Variants in CXCL17 observed in about 807,000 individuals in gnomAD.
CXCL17 encodes the protein C-X-C motif chemokine 17.
In CXCL17, 9 loss-of-function variants were observed where a neutral mutation model predicts 15.5. The observed-to-expected ratio is 0.58, with a 90% CI of 0.35 to 1.01. The LOEUF (loss-of-function observed/expected upper bound fraction) is 1.01, where lower values mean the gene tolerates loss of function less well. Among genes scored for constraint, CXCL17 ranks in the 50% least tolerant of loss-of-function variants. The pLI, the probability that CXCL17 is intolerant of heterozygous loss-of-function variation, is 0.02. For missense variants in CXCL17, 133 were observed against 138.2 expected (o/e 0.96, Z 0.19); for synonymous variants, 52 against 52.3 (o/e 0.99, Z 0.02).
rs531186865 is a variant in CXCL17, at chr19:42,431,963, C to G, written c.262+1013G>C. ...ATTCTTGTACCTATATTTTGAGCAT[C>G]CATGCTAGTATTCCATTGTTGAGAT... is the stretch of plus-strand genomic sequence containing the variant. On this transcript the variant is annotated intron_variant, in intron 3 of 3. Coordinates refer to ENST00000601181, the MANE Select transcript of CXCL17 (RefSeq NM_198477.3). 1.5e-4 allele frequency among the ~76,000 whole-genome samples: 23 copies of G among 152,084 alleles called. No homozygotes were observed. In the East Asian group the frequency reaches 3.3e-3, roughly 22 times the overall value.
At chr19:42,437,988 C>G (rs909629167) in intron 1 of CXCL17, among the ~76,000 whole-genome samples, 2 of 151,970 alleles carry the variant, frequency 1.3e-5, no homozygotes, top group African/African-American at 2.4e-5. Context: ...TTTTTCTACA[C>G]ATATACACTT....
At chr19:42,437,291 C>A (rs998189650) in intron 1 of CXCL17, among the ~76,000 whole-genome samples, 1 of 152,116 alleles carries the variant, frequency 6.6e-6, no homozygotes, top group Non-Finnish European at 1.5e-5. Context: ...TCATCCTATG[C>A]AATATTATCT....
Position 42,438,381 on chromosome 19 carries a change from A to AATATATATAT in CXCL17, c.79+4363_79+4372dup, listed in dbSNP as rs1201763586. Among the ~76,000 whole-genome samples, 160 of 63,814 alleles carry AATATATATAT rather than the reference A, an allele frequency of 2.5e-3. 1 individual carries two copies. Among genetic ancestry groups the AATATATATAT allele is most frequent in the Admixed American group, 0.011 (41 of 3,592 alleles). The allele number at this position is 63,814 out of a possible 152,430, so 41.9% of individuals were successfully genotyped here. On this transcript the variant is annotated intron_variant, in intron 1 of 3. Transcript: ENST00000601181. ...AAAAAAAAAAAAAAAAAAAAAAAAA[A>AATATATATAT]ATATATATATATATATATATATATA...
At chr19:42,440,804 T>C (rs2040884501) in intron 1 of CXCL17, among the ~76,000 whole-genome samples, 1 of 152,148 alleles carries the variant, frequency 6.6e-6, no homozygotes, top group African/African-American at 2.4e-5. Flanking sequence ...AGTGTGGCCA[T>C]GCAGAGAAGT....
In CXCL17 at chr19:42,432,828, C is replaced by T. The variant is rs74695173; in HGVS notation, c.262+148G>A. 3,917 of 653,910 alleles carry T rather than the reference C, an allele frequency of 6.0e-3. 35 individuals carry two copies. Among genetic ancestry groups the T allele is most frequent in the South Asian group, 0.016 (870 of 55,274 alleles). The allele number at this position is 653,910 out of a possible 1,614,324, so 40.5% of individuals were successfully genotyped here. A position where few individuals can be genotyped will look rare whatever the true frequency, so the allele number is the denominator to read the frequency against. ...CTGCTTTTCCTCTCTTCCTATTTCCCGACAAGGTGACATTGAGTAGAAAGG... is the reference window on the plus strand; with the variant it reads ...CTGCTTTTCCTCTCTTCCTATTTCCTGACAAGGTGACATTGAGTAGAAAGG... On this transcript the variant is annotated intron_variant, in intron 3 of 3. Coordinates refer to ENST00000601181, the MANE Select transcript of CXCL17 (RefSeq NM_198477.3).
intron 3 of CXCL17, among the ~76,000 whole-genome samples, chr19:42,432,248 A>G (rs547035960): frequency 1.3e-5 from 2 of 149,804 alleles, no homozygotes; most frequent in South Asian, 4.2e-4. Context: ...GGATTAAAGC[A>G]ATTCGCGTGC....
chr19:42,432,091 C>G (rs1373137589), intron 3 of CXCL17, among the ~76,000 whole-genome samples: 1 of 151,374 alleles, frequency 6.6e-6, no homozygotes, highest in South Asian at 2.1e-4. Context: ...CTGATATATC[C>G]CATTCTTGAT....
intron 1 of CXCL17, among the ~76,000 whole-genome samples, chr19:42,441,780 G>A (rs2040894641): frequency 6.6e-6 from 1 of 152,176 alleles, no homozygotes; most frequent in African/African-American, 2.4e-5. Flanking sequence ...TCTTTTCTGC[G>A]TGGTTGCTCT....
chr19:42,434,283 G>A (rs941024395), intron 1 of CXCL17, among the ~76,000 whole-genome samples: 6 of 152,194 alleles, frequency 3.9e-5, no homozygotes, highest in African/African-American at 1.4e-4. Context: ...TGGAAGAGAT[G>A]ATAAAAGGCA....
At chr19:42,430,155 A>AAC (rs1385063809) in intron 3 of CXCL17, among the ~76,000 whole-genome samples, 3 of 151,954 alleles carry the variant, frequency 2.0e-5, no homozygotes, top group African/African-American at 4.8e-5. Context: ...ACCTTGTCTC[A>AAC]ACTGCGCCCC....
At chr19:42,430,361 C>T (rs1001494445) in intron 3 of CXCL17, among the ~76,000 whole-genome samples, 4 of 152,022 alleles carry the variant, frequency 2.6e-5, no homozygotes, top group Admixed American at 1.3e-4. Flanking sequence ...TTTGGGAGCC[C>T]GAGGCAGGCA....
chr19:42,439,475 T>G (rs1381435670), intron 1 of CXCL17, among the ~76,000 whole-genome samples: 2 of 150,108 alleles, frequency 1.3e-5, no homozygotes, highest in Non-Finnish European at 1.5e-5. Flanking sequence ...AAAAAAAAAG[T>G]ATGATGAGAA....
intron 1 of CXCL17, among the ~76,000 whole-genome samples, chr19:42,434,426 T>A (rs2040813290): frequency 6.6e-6 from 1 of 151,974 alleles, no homozygotes; most frequent in South Asian, 2.1e-4. Context: ...GCTGGGTTTT[T>A]TGTTTGTTTG....
intron 2 of CXCL17, 94 bp downstream of exon 2, chr19:42,433,682 C>T: frequency 9.5e-7 from 1 of 1,048,528 alleles, no homozygotes; most frequent in South Asian, 1.3e-5. Flanking sequence ...GTGAGGTCAG[C>T]TGAGATAACA....
At chr19:42,433,099 T>C in intron 2 of CXCL17, 22 bp from the exon 3 acceptor site, 1 of 1,540,612 alleles carries the variant, frequency 6.5e-7, no homozygotes, top group Non-Finnish European at 9.0e-7. Context: ...GCATTGCTGC[T>C]TAGATGGGAG....
chr19:42,438,381 A>AAAAAATATATATATATATATAT (rs1555793041), intron 1 of CXCL17, among the ~76,000 whole-genome samples: 1 of 63,854 alleles, frequency 1.6e-5, no homozygotes, highest in African/African-American at 7.6e-5. Context: ...AAAAAAAAAA[A>AAAAAATATATATATATATATAT]ATATATATAT....
chr19:42,431,635 T>TG (rs2040782358), intron 3 of CXCL17, among the ~76,000 whole-genome samples: 1 of 151,398 alleles, frequency 6.6e-6, no homozygotes, highest in African/African-American at 2.4e-5. Flanking sequence ...ATTAATATAT[T>TG]GTGGATATCT....
At chr19:42,442,099 A>G (rs2040897733) in intron 1 of CXCL17, among the ~76,000 whole-genome samples, 1 of 151,610 alleles carries the variant, frequency 6.6e-6, no homozygotes, top group Non-Finnish European at 1.5e-5. Flanking sequence ...GAATTATGTT[A>G]CTCTTTTGGA....
At position 42,428,897 on chromosome 19, in the gene CXCL17, G is replaced by C. The variant is rs753813835; in HGVS notation, c.347C>G (p.Ala116Gly). 1 of 1,613,926 alleles carries C rather than the reference G, an allele frequency of 6.2e-7. No homozygotes were observed. Among genetic ancestry groups the C allele is most frequent in the Non-Finnish European group, 8.5e-7 (1 of 1,179,770 alleles). Residue 116 changes from alanine (A) to glycine (G), a missense_variant, in exon 4 of 4, where the codon GCT becomes GGT. Transcript: ENST00000601181. Reference protein sequence around the residue: ...FLKQCQLRSFALPL With the variant: ...FLKQCQLRSFGLPL ...CGCTCAGAGCTCCTACAAAGGCAGA[G>C]CAAAGCTTCTTAGCTGACATTGTTT...
Sources: allele counts gnomAD v4.1 joint callset (sites outside exome capture counted in the v4.1 genomes callset), GRCh38; gene constraint gnomAD v4.1.1; transcripts MANE v1.5; gene names NCBI Gene and HGNC (gene_info 2026-07-23, HGNC 2026-07-21).